The following CHD2 variants were observed in gnomAD, a reference collection of about 807,000 sequenced individuals.
CHD2 encodes ATP-dependent chromatin remodeler CHD2.
In CHD2, 28 loss-of-function variants were observed where a neutral mutation model predicts 243.9. The observed-to-expected ratio is 0.11, with a 90% confidence interval of 0.09 to 0.16. The LOEUF (loss-of-function observed/expected upper bound fraction) is 0.16, where lower values mean the gene tolerates loss of function less well. CHD2 is among the 10% of genes least tolerant of loss of function. The pLI is 1.00. For synonymous variants in CHD2, 775 were observed against 779.0 expected (o/e 0.99, Z 0.09); for missense variants, 1,386 against 2,209.8 (o/e 0.63, Z 7.47).
chr15:92,988,042 A>G (rs912019241), intron 26 of CHD2, among the ~76,000 whole-genome samples: 11 of 151,226 alleles, frequency 7.3e-5, no homozygotes, highest in African/African-American at 2.4e-4. Flanking sequence ...AAACCCATCA[A>G]TGCAGTTTTA....
chr15:92,917,388 G>A (rs1393705006), intron 2 of CHD2, among the ~76,000 whole-genome samples: 2 of 152,150 alleles, frequency 1.3e-5, no homozygotes, highest in Non-Finnish European at 2.9e-5. Flanking sequence ...GTGAAACCCT[G>A]TCTCTACTAA....
intron 16 of CHD2, 48 bp downstream of exon 16, chr15:92,956,697 G>T: frequency 6.5e-7 from 1 of 1,530,914 alleles, no homozygotes; most frequent in South Asian, 1.2e-5. Context: ...TGTCTGAAAT[G>T]CCAATGCTTT....
intron 8 of CHD2, among the ~76,000 whole-genome samples, chr15:92,942,576 T>C (rs1271286629): frequency 6.6e-6 from 1 of 152,034 alleles, no homozygotes; most frequent in Non-Finnish European, 1.5e-5. Context: ...AGGATGTTGC[T>C]GCTCTGTTTT....
chr15:92,989,801 C>G (rs1249499455), intron 26 of CHD2, among the ~76,000 whole-genome samples: 3 of 152,178 alleles, frequency 2.0e-5, no homozygotes, highest in Admixed American at 6.5e-5. Flanking sequence ...CCCAGAGATC[C>G]TCTGCTTCTG....
chr15:92,986,122 G>A (rs558390772), intron 26 of CHD2, among the ~76,000 whole-genome samples: 2 of 152,216 alleles, frequency 1.3e-5, no homozygotes, highest in Middle Eastern at 3.4e-3. Context: ...TGATTTATAA[G>A]TAGTATGTAC....
At chr15:92,901,537 G>C in intron 2 of CHD2, 1 of 540,964 alleles carries the variant, frequency 1.8e-6, no homozygotes, top group East Asian at 3.0e-5. Context: ...AAAAGGTAAG[G>C]TACCTTTATT....
In CHD2 at chr15:92,969,726, A is replaced by G. The variant is rs192677543; in HGVS notation, c.2190-2039A>G. On this transcript the variant is annotated intron_variant, in intron 17 of 38. Coordinates refer to ENST00000394196, the MANE Select transcript of CHD2 (RefSeq NM_001271.4). ...GCCATACTAAAAATCTCACTTCCCA[A>G]CCACACCAAGCTAATTCATTCTATA... Among the ~76,000 whole-genome samples, 42 of 152,218 alleles carry G rather than the reference A, an allele frequency of 2.8e-4. 1 individual carries two copies. In the East Asian group the frequency reaches 6.6e-3, roughly 24 times the overall value.
At chr15:92,934,436 G>A (rs1321009366) in intron 5 of CHD2, among the ~76,000 whole-genome samples, 2 of 152,106 alleles carry the variant, frequency 1.3e-5, no homozygotes, top group East Asian at 1.9e-4. Context: ...GGGGGACTCT[G>A]TTAATGGCCT....
At chr15:93,016,431 G>A (rs1216283213) in intron 37 of CHD2, among the ~76,000 whole-genome samples, 2 of 152,188 alleles carry the variant, frequency 1.3e-5, no homozygotes, top group Non-Finnish European at 2.9e-5. Context: ...GAAATCTGTT[G>A]TACAGCATGG....
At chr15:93,011,385 G>C (rs185985842) in intron 35 of CHD2, among the ~76,000 whole-genome samples, 1 of 152,372 alleles carries the variant, frequency 6.6e-6, no homozygotes, top group East Asian at 1.9e-4. Context: ...CATGAGCTGA[G>C]TCGAATTGCT....
At chr15:93,008,768 T>C (rs2054354269) in intron 34 of CHD2, among the ~76,000 whole-genome samples, 1 of 152,214 alleles carries the variant, frequency 6.6e-6, no homozygotes, top group East Asian at 1.9e-4. Context: ...TTTGCAAATA[T>C]TATATCCCGT....
At position 93,020,199 on chromosome 15, in the gene CHD2, G is replaced by A; in HGVS notation, c.5094G>A (p.Arg1698=). 6.2e-7 allele frequency: 1 copy of A among 1,614,046 alleles called. No homozygotes were observed. The highest frequency in any genetic ancestry group is 1.3e-5 in the African/African-American group (1 of 74,988). ...SYRPNNMSRK[R]PYDQYSSDRD... Reference sequence around the variant, plus strand: ...GACCCAACAACATGTCCAGAAAGAGGCCTTATGACCAGTACAGCAGTGACC... The same window carrying A: ...GACCCAACAACATGTCCAGAAAGAGACCTTATGACCAGTACAGCAGTGACC... Residue 1698 remains arginine, a synonymous_variant, in exon 38 of 39, where the codon AGG becomes AGA. Transcript: ENST00000394196.
chr15:92,923,561 GT>G (rs1199703270), intron 2 of CHD2, among the ~76,000 whole-genome samples: 8,671 of 121,472 alleles, frequency 0.071, 238 homozygotes, highest in Admixed American at 0.1. Context: ...TGTCCAGCTT[GT>G]TTTTTTTTTT....
intron 2 of CHD2, among the ~76,000 whole-genome samples, chr15:92,912,724 AG>A (rs2052761161): frequency 7.7e-6 from 1 of 129,368 alleles, no homozygotes; most frequent in South Asian, 2.1e-4. Context: ...TAGTAGAGAC[AG>A]GGGTTTCACT....
chr15:92,935,277 C>A (rs1030629222), intron 5 of CHD2, among the ~76,000 whole-genome samples: 2 of 152,172 alleles, frequency 1.3e-5, no homozygotes, highest in Non-Finnish European at 2.9e-5. Flanking sequence ...ACCTCGTGAT[C>A]CGCCCGCCTC....
At chr15:92,924,693 T>C in intron 3 of CHD2, 141 bp downstream of exon 3, 2 of 662,944 alleles carry the variant, frequency 3.0e-6, no homozygotes, top group South Asian at 3.7e-5. Context: ...GTAGTATATC[T>C]GAGGATACAA....
At chr15:92,909,165 C>T (rs1021869795) in intron 2 of CHD2, among the ~76,000 whole-genome samples, 1 of 152,018 alleles carries the variant, frequency 6.6e-6, no homozygotes, top group Non-Finnish European at 1.5e-5. Flanking sequence ...GGCTTTCTCC[C>T]CTCAAGATTC....
intron 21 of CHD2, 118 bp from the exon 22 acceptor site, chr15:92,979,017 G>C: frequency 7.5e-7 from 1 of 1,329,806 alleles, no homozygotes; most frequent in Non-Finnish European, 1.0e-6. Context: ...TATGGTTAGA[G>C]AATAAATTCT....
chr15:92,982,764 A>G (rs2053995567), intron 24 of CHD2, among the ~76,000 whole-genome samples: 1 of 152,192 alleles, frequency 6.6e-6, no homozygotes, highest in African/African-American at 2.4e-5. Flanking sequence ...AAGTTGTTTC[A>G]ATGGAAGAAC....
Sources: allele counts gnomAD v4.1 joint callset (sites outside exome capture counted in the v4.1 genomes callset), GRCh38; gene constraint gnomAD v4.1.1; transcripts MANE v1.5; gene names NCBI Gene and HGNC (gene_info 2026-07-23, HGNC 2026-07-21).